The following DLGAP4 variants were observed in gnomAD, a reference collection of about 807,000 sequenced individuals.
DLGAP4 encodes the protein DLG associated protein 4, also known as disks large-associated protein 4.
Under a neutral mutation model 86.9 loss-of-function variants are expected in DLGAP4, and 18 were observed. The ratio of observed to expected loss-of-function variants is 0.21; its 90% CI spans 0.14 to 0.31. The LOEUF is 0.31. Among genes scored for constraint, DLGAP4 ranks in the 10% least tolerant of loss-of-function variants. The pLI is 1.00. For synonymous variants in DLGAP4, 548 were observed against 574.3 expected (o/e 0.95, Z 0.65); for missense variants, 1,085 against 1,362.6 (o/e 0.80, Z 3.21).
chr20:36,401,041 C>T (rs936814707), intron 2 of DLGAP4, among the ~76,000 whole-genome samples: 5 of 152,034 alleles, frequency 3.3e-5, no homozygotes, highest in Non-Finnish European at 7.4e-5. Context: ...GCCAGTCAAA[C>T]TCCTCCTGCC....
intron 1 of DLGAP4, among the ~76,000 whole-genome samples, chr20:36,314,245 T>G (rs963063772): frequency 6.7e-6 from 1 of 150,092 alleles, no homozygotes; most frequent in Non-Finnish European, 1.5e-5. Context: ...CTCATAGATC[T>G]GGTTCACAGG....
At chr20:36,433,371 A>G (rs2033180043) in intron 3 of DLGAP4, among the ~76,000 whole-genome samples, 1 of 152,224 alleles carries the variant, frequency 6.6e-6, no homozygotes, top group African/African-American at 2.4e-5. Context: ...TCAAATGCCA[A>G]CACTGATTCA....
At chr20:36,411,796 C>A (rs2032507077) in intron 2 of DLGAP4, among the ~76,000 whole-genome samples, 1 of 152,226 alleles carries the variant, frequency 6.6e-6, no homozygotes, top group African/African-American at 2.4e-5. Context: ...CTGCTGTCCC[C>A]CAGCACTCCC....
intron 2 of DLGAP4, among the ~76,000 whole-genome samples, chr20:36,412,300 AG>A (rs916839832): frequency 2.0e-5 from 3 of 152,248 alleles, no homozygotes; most frequent in Non-Finnish European, 2.9e-5. Context: ...GCTAGAGGGC[AG>A]GGCAGCATGG....
intron 8 of DLGAP4, chr20:36,497,619 A>G (rs1474545255): frequency 3.0e-6 from 3 of 987,370 alleles, no homozygotes; most frequent in African/African-American, 1.7e-5. Context: ...GGCTTGAGGT[A>G]CCAGGCCCAT....
intron 2 of DLGAP4, among the ~76,000 whole-genome samples, chr20:36,397,435 A>G (rs1404425877): frequency 1.3e-5 from 2 of 152,178 alleles, no homozygotes; most frequent in Admixed American, 1.3e-4. Flanking sequence ...GATACTCCCC[A>G]GTGCCATAAG....
chr20:36,376,350 A>T (rs2031154129), intron 2 of DLGAP4, among the ~76,000 whole-genome samples: 1 of 152,114 alleles, frequency 6.6e-6, no homozygotes, highest in Admixed American at 6.5e-5. Context: ...AGGCGCCTGT[A>T]ATCCCAGCTA....
intron 7 of DLGAP4, among the ~76,000 whole-genome samples, chr20:36,478,676 T>C (rs973539988): frequency 1.3e-5 from 2 of 152,212 alleles, no homozygotes; most frequent in Non-Finnish European, 2.9e-5. Flanking sequence ...GTGTCAGTCT[T>C]GCCGAAGCAA....
At chr20:36,311,046 G>A (rs1224860160) in intron 1 of DLGAP4, among the ~76,000 whole-genome samples, 1 of 152,318 alleles carries the variant, frequency 6.6e-6, no homozygotes, top group East Asian at 1.9e-4. Flanking sequence ...AACTCCTCCA[G>A]GCCAGGACTG....
chr20:36,454,298 G>A (rs2033823949), intron 7 of DLGAP4, among the ~76,000 whole-genome samples: 1 of 151,138 alleles, frequency 6.6e-6, no homozygotes, highest in Non-Finnish European at 1.5e-5. Flanking sequence ...CACTCCTTAA[G>A]ACACTTAACA....
At position 36,527,771 on chromosome 20, in the gene DLGAP4, C is replaced by T. The variant is rs866063519; in HGVS notation, c.*740C>T. On this transcript the variant is annotated 3_prime_UTR_variant, in exon 13 of 13. Transcript: ENST00000339266. The stretch of plus-strand genomic sequence containing the variant: ...TTAGTCTTGGCGGGTGGAAATGAGA[C>T]GAAGCCACAGTTATCACACTCCAGA... The T allele has an allele frequency of 3.9e-5, 6 of 152,674 alleles. No homozygotes were observed. Among genetic ancestry groups the T allele is most frequent in the Non-Finnish European group, 5.9e-5 (4 of 68,100 alleles). The allele number at this position is 152,674 out of a possible 1,614,324, so 9.5% of individuals were successfully genotyped here.
chr20:36,313,595 G>T (rs1189434152), intron 1 of DLGAP4, among the ~76,000 whole-genome samples: 3 of 152,042 alleles, frequency 2.0e-5, no homozygotes, highest in African/African-American at 7.3e-5. Context: ...GCTGGACTTG[G>T]CCTGCTGCTG....
At chr20:36,526,380 T>C (rs1408050666) in intron 12 of DLGAP4, among the ~76,000 whole-genome samples, 1 of 152,120 alleles carries the variant, frequency 6.6e-6, no homozygotes, top group Admixed American at 6.5e-5. Context: ...GTAGCCAGCC[T>C]CTTCCCTGAG....
chr20:36,505,794 T>C (rs1385159046), intron 10 of DLGAP4, among the ~76,000 whole-genome samples: 1 of 151,948 alleles, frequency 6.6e-6, no homozygotes, highest in Non-Finnish European at 1.5e-5. Context: ...GAAAAAATCA[T>C]AAGGAAGAGA....
intron 2 of DLGAP4, among the ~76,000 whole-genome samples, chr20:36,367,718 G>C (rs2030742706): frequency 1.3e-5 from 2 of 152,154 alleles, no homozygotes; most frequent in Admixed American, 6.5e-5. Flanking sequence ...TGAATCTTGG[G>C]GGGCCCTACA....
intron 2 of DLGAP4, among the ~76,000 whole-genome samples, chr20:36,386,291 G>A (rs567615498): frequency 6.6e-6 from 1 of 152,204 alleles, no homozygotes; most frequent in African/African-American, 2.4e-5. Context: ...TGCATAGCAA[G>A]GATAGAAGTT....
chr20:36,404,700 G>A (rs1390575552), intron 2 of DLGAP4, among the ~76,000 whole-genome samples: 1 of 152,216 alleles, frequency 6.6e-6, no homozygotes, highest in Admixed American at 6.5e-5. Flanking sequence ...AGCTCTCTTA[G>A]TGAGCACTGG....
chr20:36,469,900 G>A lies in DLGAP4; in HGVS notation c.1648+22963G>A, dbSNP rs528422361. 7.2e-5 allele frequency among the ~76,000 whole-genome samples: 11 copies of A among 152,286 alleles called. No individual in the cohort carries two copies. In the East Asian group the frequency reaches 1.7e-3, roughly 24 times the overall value. ...GGGCTGCTTTACCTAAGATCCTTGT[G>A]TGAATTTTCTGCAGCCTCCAAATAT... On this transcript the variant is annotated intron_variant, in intron 7 of 12. Transcript: ENST00000339266.
chr20:36,518,366 G>A (rs939874770), intron 10 of DLGAP4, among the ~76,000 whole-genome samples: 1 of 152,082 alleles, frequency 6.6e-6, no homozygotes, highest in Non-Finnish European at 1.5e-5. Context: ...ATCTTGATCA[G>A]TCTGACAGGG....
Sources: gnomAD v4.1 joint callset for allele counts (sites outside exome capture counted in the v4.1 genomes callset) on GRCh38, gnomAD v4.1.1 for gene constraint, MANE v1.5 for transcripts, NCBI Gene and HGNC (gene_info 2026-07-23, HGNC 2026-07-21) for gene names.